Variants in USP46 observed in about 807,000 individuals in gnomAD.
The protein encoded by USP46 is ubiquitin specific peptidase 46.
A neutral mutation model predicts 44.4 loss-of-function variants in USP46; 12 were observed. The ratio of observed to expected loss-of-function variants is 0.27; its 90% CI spans 0.17 to 0.44. The LOEUF is 0.44. Among genes scored for constraint, USP46 ranks in the 20% least tolerant of loss-of-function variants. The probability of loss-of-function intolerance (pLI) is 1.00; values close to 1 mark genes in which losing one functional copy is unlikely to be tolerated. For synonymous variants in USP46, 155 were observed against 161.5 expected, an observed-to-expected ratio of 0.96 and a Z score of 0.31; for missense variants, 248 against 444.8, an observed-to-expected ratio of 0.56 and a Z score of 3.98.
chr4:52,623,456 AC>A (rs1383847899), intron 4 of USP46, among the ~76,000 whole-genome samples: 2 of 152,196 alleles, frequency 1.3e-5, no homozygotes, highest in African/African-American at 4.8e-5. Flanking sequence ...AAAGGCTCTA[AC>A]TGTTGGAAAA....
intron 4 of USP46, among the ~76,000 whole-genome samples, chr4:52,615,599 A>G (rs1242779967): frequency 6.6e-6 from 1 of 152,190 alleles, no homozygotes; most frequent in African/African-American, 2.4e-5. Context: ...AATCTCAAAA[A>G]CGTTATGTAA....
chr4:52,592,123 C>T lies in USP46; in HGVS notation c.*5517G>A, dbSNP rs1304756773. 6.6e-6 allele frequency: 1 copy of T among 152,156 alleles called. No homozygotes were observed. The highest frequency in any genetic ancestry group is 1.9e-4 in the East Asian group (1 of 5,200). The allele number at this position is 152,156 out of a possible 1,614,324, so 9.4% of individuals were successfully genotyped here. On this transcript the variant is annotated 3_prime_UTR_variant, in exon 9 of 9. Transcript: ENST00000441222. ...GCTGAATTGCAAGGAGTTTCCCCCA[C>T]ACGTGTTATTTCCACAACTTAAATT...
intron 4 of USP46, among the ~76,000 whole-genome samples, chr4:52,621,595 G>A (rs996410662): frequency 1.3e-5 from 2 of 152,062 alleles, no homozygotes; most frequent in African/African-American, 2.4e-5. Flanking sequence ...CGCAGAGGTT[G>A]CAGTGAGCCA....
In USP46 at chr4:52,591,940, T is replaced by C. The variant is rs537774756; in HGVS notation, c.*5700A>G. On this transcript the variant is annotated 3_prime_UTR_variant, in exon 9 of 9. Coordinates refer to ENST00000441222, the MANE Select transcript of USP46 (RefSeq NM_022832.4). ...AAGAGGCAAAACGTGAAGTTCATTG[T>C]TGCAACATAATCGATTTATACTTTG... 6.6e-6 allele frequency: 1 copy of C among 152,338 alleles called. No individual in the cohort carries two copies. The highest frequency in any genetic ancestry group is 1.9e-4 in the East Asian group (1 of 5,184). 9.4% of individuals were successfully genotyped at this position (152,338 alleles called of 1,614,324 possible). A position where few individuals can be genotyped will look rare whatever the true frequency, so the allele number is the denominator to read the frequency against.
At chr4:52,603,810 G>A (rs765916786) in intron 6 of USP46, among the ~76,000 whole-genome samples, 4 of 151,980 alleles carry the variant, frequency 2.6e-5, no homozygotes, top group Non-Finnish European at 4.4e-5. Context: ...TCAGCCTCCC[G>A]AGTAGGTGGG....
chr4:52,617,683 C>T (rs574713381), intron 4 of USP46, among the ~76,000 whole-genome samples: 7 of 152,136 alleles, frequency 4.6e-5, no homozygotes, highest in Admixed American at 2.0e-4. Flanking sequence ...TGGGGTGGGG[C>T]GTGGAGGAAG....
At chr4:52,644,407 G>A (rs1399132537) in intron 1 of USP46, among the ~76,000 whole-genome samples, 2 of 152,128 alleles carry the variant, frequency 1.3e-5, no homozygotes, top group Non-Finnish European at 2.9e-5. Context: ...TCTTATGTCA[G>A]AAGTCCCCAA....
Position 52,618,860 on chromosome 4 carries a change from C to T in USP46, c.561+7158G>A, listed in dbSNP as rs140352032. 7.8e-4 allele frequency among the ~76,000 whole-genome samples: 119 copies of T among 152,266 alleles called. 1 individual carries two copies. The highest frequency in any genetic ancestry group is 2.6e-3 in the African/African-American group (108 of 41,556). ...TCTACTGAATCAATTTGAACCTCTG[C>T]AAACAAAGCAATGAGGAGCTGTAAA... On this transcript the variant is annotated intron_variant, in intron 4 of 8. Coordinates refer to ENST00000441222, the MANE Select transcript of USP46 (RefSeq NM_022832.4).
At chr4:52,628,694 G>A (rs1717692106) in intron 2 of USP46, among the ~76,000 whole-genome samples, 1 of 152,192 alleles carries the variant, frequency 6.6e-6, no homozygotes, top group South Asian at 2.1e-4. Flanking sequence ...CCTGCCCACT[G>A]GCTCAGACCA....
At chr4:52,658,448 A>G (rs1719039929) in intron 1 of USP46, among the ~76,000 whole-genome samples, 6 of 152,056 alleles carry the variant, frequency 3.9e-5, no homozygotes, top group Admixed American at 3.3e-4. Flanking sequence ...ACCTCCTCCA[A>G]GCCCACAGCC....
intron 4 of USP46, among the ~76,000 whole-genome samples, chr4:52,611,732 C>CA (rs1247994909): frequency 2.0e-5 from 3 of 151,970 alleles, no homozygotes; most frequent in Non-Finnish European, 2.9e-5. Context: ...ACTAAAAATA[C>CA]AAAAAATTAG....
At chr4:52,652,818 T>C (rs1483127093) in intron 1 of USP46, among the ~76,000 whole-genome samples, 1 of 152,158 alleles carries the variant, frequency 6.6e-6, no homozygotes, top group Non-Finnish European at 1.5e-5. Context: ...TAAATGTATA[T>C]ATAGTATTTT....
chr4:52,641,687 C>A (rs941068007), intron 1 of USP46, among the ~76,000 whole-genome samples: 12 of 152,112 alleles, frequency 7.9e-5, no homozygotes. Context: ...CAGGAAGCAT[C>A]CTTGGAGAAG....
chr4:52,636,233 G>C (rs1271869822), intron 1 of USP46, among the ~76,000 whole-genome samples: 14 of 152,086 alleles, frequency 9.2e-5, no homozygotes, highest in Admixed American at 9.2e-4. Context: ...TTTGAAGATG[G>C]AGGAAGAGGC....
chr4:52,593,133 G>C lies in USP46; in HGVS notation c.*4507C>G, dbSNP rs1205043893. Reference sequence around the variant, plus strand: ...AAATATAAGGGAATGGAAATGGAAGGCTTCATTTTTTTAGTAAAGGTATTT... The same window carrying C: ...AAATATAAGGGAATGGAAATGGAAGCCTTCATTTTTTTAGTAAAGGTATTT... On this transcript the variant is annotated 3_prime_UTR_variant, in exon 9 of 9. Coordinates refer to ENST00000441222, the MANE Select transcript of USP46 (RefSeq NM_022832.4). 1 of 393,750 alleles carries C rather than the reference G, an allele frequency of 2.5e-6. No individual in the cohort carries two copies. Among genetic ancestry groups the C allele is most frequent in the African/African-American group, 2.1e-5 (1 of 48,548 alleles). The allele number at this position is 393,750 out of a possible 1,614,324, so 24.4% of individuals were successfully genotyped here. A position where few individuals can be genotyped will look rare whatever the true frequency, so the allele number is the denominator to read the frequency against.
intron 5 of USP46, among the ~76,000 whole-genome samples, chr4:52,609,210 T>C (rs941370323): frequency 2.0e-5 from 3 of 152,192 alleles, no homozygotes; most frequent in Non-Finnish European, 4.4e-5. Flanking sequence ...ATCATTTCTC[T>C]GAAACAAAAG....
chr4:52,598,980 C>A (rs1285485523), intron 7 of USP46, among the ~76,000 whole-genome samples: 1 of 152,202 alleles, frequency 6.6e-6, no homozygotes, highest in African/African-American at 2.4e-5. Context: ...TTACTCTCTA[C>A]GTATTCTGTG....
intron 5 of USP46, among the ~76,000 whole-genome samples, chr4:52,608,403 T>A (rs534083732): frequency 6.6e-6 from 1 of 152,220 alleles, no homozygotes; most frequent in Non-Finnish European, 1.5e-5. Flanking sequence ...AAATACTACA[T>A]GAGAAACACA....
intron 6 of USP46, among the ~76,000 whole-genome samples, chr4:52,603,203 C>T (rs896623293): frequency 2.6e-5 from 4 of 152,124 alleles, no homozygotes; most frequent in Admixed American, 6.5e-5. Context: ...CAGGGCTGAA[C>T]AAAAAATGTC....
Sources: allele counts gnomAD v4.1 joint callset (sites outside exome capture counted in the v4.1 genomes callset), GRCh38; gene constraint gnomAD v4.1.1; transcripts MANE v1.5; gene names NCBI Gene and HGNC (gene_info 2026-07-23, HGNC 2026-07-21).